Variants in NECAB1 observed in about 807,000 individuals in gnomAD.
NECAB1 encodes N-terminal EF-hand calcium-binding protein 1.
A neutral mutation model predicts 57.5 loss-of-function variants in NECAB1; 29 were observed. The ratio of observed to expected loss-of-function variants is 0.50; its 90% confidence interval spans 0.38 to 0.69. The LOEUF (loss-of-function observed/expected upper bound fraction) is 0.69, where lower values mean the gene tolerates loss of function less well. Among genes scored for constraint, NECAB1 ranks in the 30% least tolerant of loss-of-function variants. The pLI is 0.00. For synonymous variants in NECAB1, 142 were observed against 147.7 expected (o/e 0.96, Z 0.28); for missense variants, 372 against 413.8 (o/e 0.90, Z 0.88).
intron 3 of NECAB1, among the ~76,000 whole-genome samples, chr8:90,860,248 T>C (rs1310956551): frequency 1.3e-5 from 2 of 151,262 alleles, no homozygotes; most frequent in Admixed American, 6.6e-5. Flanking sequence ...CTTTTTTTTT[T>C]TTTTTTAACG....
At chr8:90,857,838 G>A (rs1469893298) in intron 3 of NECAB1, among the ~76,000 whole-genome samples, 1 of 152,012 alleles carries the variant, frequency 6.6e-6, no homozygotes, top group Admixed American at 6.6e-5. Context: ...TCATACATTA[G>A]TTATTTGCAT....
chr8:90,946,561 A>G (rs1178561441), intron 10 of NECAB1, among the ~76,000 whole-genome samples: 2 of 152,212 alleles, frequency 1.3e-5, no homozygotes, highest in Non-Finnish European at 2.9e-5. Flanking sequence ...TTATTCTCAA[A>G]AAGAAGTCAG....
At chr8:90,924,407 C>T (rs1174587900) in intron 6 of NECAB1, among the ~76,000 whole-genome samples, 1 of 152,086 alleles carries the variant, frequency 6.6e-6, no homozygotes, top group Non-Finnish European at 1.5e-5. Context: ...TCATCCAACA[C>T]AGGAGAAAGG....
Position 90,955,990 on chromosome 8 carries a change from T to A in NECAB1, c.*478T>A, listed in dbSNP as rs1428852687. On this transcript the variant is annotated 3_prime_UTR_variant, in exon 13 of 13. Transcript: ENST00000417640. ...TTATTCTTCAACAATGTCTACTCCATCCCCAACCCAACTCACAGCCCTATG... is the reference window on the plus strand; with the variant it reads ...TTATTCTTCAACAATGTCTACTCCAACCCCAACCCAACTCACAGCCCTATG... 6.5e-6 allele frequency: 1 copy of A among 152,682 alleles called. No homozygotes were observed. The highest frequency in any genetic ancestry group is 2.4e-5 in the African/African-American group (1 of 41,448). 9.5% of individuals were successfully genotyped at this position (152,682 alleles called of 1,614,324 possible).
At chr8:90,857,219 CTA>C (rs1287362502) in intron 3 of NECAB1, among the ~76,000 whole-genome samples, 1 of 151,988 alleles carries the variant, frequency 6.6e-6, no homozygotes, top group Non-Finnish European at 1.5e-5. Context: ...GCCTAAATTT[CTA>C]TGTTTTTACT....
intron 9 of NECAB1, among the ~76,000 whole-genome samples, chr8:90,939,591 C>A (rs1221010732): frequency 2.0e-5 from 3 of 152,124 alleles, no homozygotes; most frequent in Non-Finnish European, 4.4e-5. Context: ...CATGAGCTTT[C>A]CTAATTATCT....
intron 3 of NECAB1, among the ~76,000 whole-genome samples, chr8:90,826,043 AT>A (rs1812218426): frequency 6.6e-6 from 1 of 151,810 alleles, no homozygotes; most frequent in African/African-American, 2.4e-5. Context: ...TTTTAGCCCA[AT>A]TTTTTAGGCT....
At position 90,925,667 on chromosome 8, in the gene NECAB1, C is replaced by A. The variant is rs781657168; in HGVS notation, c.616+11C>A. The A allele has an allele frequency of 6.2e-7, 1 of 1,613,140 alleles. No individual in the cohort carries two copies. The highest frequency in any genetic ancestry group is 8.5e-7 in the Non-Finnish European group (1 of 1,179,498). On this transcript the variant is annotated intron_variant, in intron 7 of 12. Coordinates refer to ENST00000417640, the MANE Select transcript of NECAB1 (RefSeq NM_022351.5). ...ATGTCAGCGGTCCAGGTAACATACC[C>A]TTCATTTGTTTTTATTTGTCAAAGT...
chr8:90,940,317 T>C (rs949843856), intron 9 of NECAB1: 5 of 153,606 alleles, frequency 3.3e-5, no homozygotes, highest in African/African-American at 1.2e-4. Flanking sequence ...TTGTCACTTA[T>C]GTCTAATATC....
chr8:90,868,652 G>A (rs761763194), intron 3 of NECAB1, among the ~76,000 whole-genome samples: 1 of 152,206 alleles, frequency 6.6e-6, no homozygotes, highest in Non-Finnish European at 1.5e-5. Context: ...TCAAGATGTG[G>A]CCTGGTTGCT....
chr8:90,907,143 T>TGAGA (rs67911820), intron 5 of NECAB1, among the ~76,000 whole-genome samples: 3,955 of 105,908 alleles, frequency 0.037, 83 homozygotes, highest in Admixed American at 0.061. Flanking sequence ...TGTGTGTGTG[T>TGAGA]GTGTGTGTGA....
chr8:90,887,621 G>C (rs112159771), intron 5 of NECAB1, among the ~76,000 whole-genome samples: 2 of 152,272 alleles, frequency 1.3e-5, no homozygotes, highest in Admixed American at 6.5e-5. Context: ...ACATCAGCGA[G>C]AAGGTGAGAC....
intron 8 of NECAB1, among the ~76,000 whole-genome samples, chr8:90,933,741 CTTTTT>C (rs1320152825): frequency 6.6e-6 from 1 of 151,514 alleles, no homozygotes; most frequent in Non-Finnish European, 1.5e-5. Context: ...AAAAAAAAAA[CTTTTT>C]TTTAAGACTT....
At chr8:90,901,922 TTAA>T (rs934859420) in intron 5 of NECAB1, among the ~76,000 whole-genome samples, 1 of 152,130 alleles carries the variant, frequency 6.6e-6, no homozygotes, top group Admixed American at 6.5e-5. Context: ...TGTGTGTGTG[TTAA>T]TGTTACATAA....
chr8:90,816,115 A>T (rs1812057446), intron 2 of NECAB1, among the ~76,000 whole-genome samples: 1 of 151,850 alleles, frequency 6.6e-6, no homozygotes. Flanking sequence ...TAATGACCAT[A>T]TGGAACATCT....
At chr8:90,916,593 C>A (rs1809958685) in intron 5 of NECAB1, among the ~76,000 whole-genome samples, 1 of 151,836 alleles carries the variant, frequency 6.6e-6, no homozygotes, top group South Asian at 2.1e-4. Context: ...CTTGAATGTA[C>A]CATTTCCACT....
intron 5 of NECAB1, among the ~76,000 whole-genome samples, chr8:90,897,951 T>A (rs1809400944): frequency 1.3e-5 from 2 of 152,232 alleles, no homozygotes; most frequent in African/African-American, 4.8e-5. Flanking sequence ...TAAAGAATAA[T>A]TCCTTTTTAT....
intron 3 of NECAB1, among the ~76,000 whole-genome samples, chr8:90,832,545 C>A (rs1812312050): frequency 6.6e-6 from 1 of 152,050 alleles, no homozygotes; most frequent in East Asian, 1.9e-4. Context: ...AATTTTGTGT[C>A]AAGGCAGTTT....
chr8:90,916,449 T>C (rs373519886), intron 5 of NECAB1, among the ~76,000 whole-genome samples: 7 of 152,358 alleles, frequency 4.6e-5, no homozygotes, highest in African/African-American at 1.7e-4. Context: ...TTTATAACTA[T>C]GCCCTAAGCT....
Sources: allele counts gnomAD v4.1 joint callset (sites outside exome capture counted in the v4.1 genomes callset), GRCh38; gene constraint gnomAD v4.1.1; transcripts MANE v1.5; gene names NCBI Gene and HGNC (gene_info 2026-07-23, HGNC 2026-07-21).